The following TNFRSF19 variants were observed in gnomAD, a reference collection of about 807,000 sequenced individuals.
TNFRSF19 encodes tumor necrosis factor receptor superfamily member 19.
Under a neutral mutation model 46.4 loss-of-function variants are expected in TNFRSF19, and 27 were observed. The ratio of observed to expected loss-of-function variants is 0.58; its 90% CI spans 0.43 to 0.80. The LOEUF (loss-of-function observed/expected upper bound fraction) is 0.80, where lower values mean the gene tolerates loss of function less well. Ranked by LOEUF, TNFRSF19 falls within the 30% of genes least tolerant of loss-of-function variation. The pLI is 0.00. For missense variants in TNFRSF19, 511 were observed against 530.8 expected, an observed-to-expected ratio of 0.96 and a Z score of 0.37; for synonymous variants, 204 against 205.0, an observed-to-expected ratio of 1.00 and a Z score of 0.04.
chr13:23,591,521 T>C (rs1172872254), intron 2 of TNFRSF19, among the ~76,000 whole-genome samples: 1 of 151,870 alleles, frequency 6.6e-6, no homozygotes, highest in Non-Finnish European at 1.5e-5. Flanking sequence ...CAGGTGAATG[T>C]AGGAGAGCTT....
intron 1 of TNFRSF19, among the ~76,000 whole-genome samples, chr13:23,578,986 C>T (rs1248512795): frequency 6.6e-6 from 1 of 152,262 alleles, no homozygotes; most frequent in African/African-American, 2.4e-5. Flanking sequence ...GCAGCGCAGA[C>T]CTGGCCGCCG....
chr13:23,631,987 T>C (rs1172973282), intron 5 of TNFRSF19, among the ~76,000 whole-genome samples: 1 of 152,218 alleles, frequency 6.6e-6, no homozygotes, highest in African/African-American at 2.4e-5. Flanking sequence ...TTGCTGGGAA[T>C]GTCATGTGAT....
At chr13:23,598,395 A>G (rs932079282) in intron 3 of TNFRSF19, among the ~76,000 whole-genome samples, 1 of 152,168 alleles carries the variant, frequency 6.6e-6, no homozygotes, top group Admixed American at 6.5e-5. Flanking sequence ...ATATATATAA[A>G]CCCTAAATCA....
intron 3 of TNFRSF19, among the ~76,000 whole-genome samples, chr13:23,610,581 C>T (rs1279978367): frequency 6.6e-6 from 1 of 150,764 alleles, no homozygotes; most frequent in Non-Finnish European, 1.5e-5. Context: ...GGAGCCCTTG[C>T]TGGGGCCGTT....
chr13:23,602,517 C>A (rs1218832091), intron 3 of TNFRSF19, among the ~76,000 whole-genome samples: 1 of 152,064 alleles, frequency 6.6e-6, no homozygotes, highest in Non-Finnish European at 1.5e-5. Context: ...CTGGATATAA[C>A]TGACACCTAT....
intron 5 of TNFRSF19, among the ~76,000 whole-genome samples, chr13:23,634,738 T>C (rs543362206): frequency 2.6e-4 from 40 of 152,258 alleles, no homozygotes; most frequent in African/African-American, 9.4e-4. Flanking sequence ...CTCCTTTTTG[T>C]ATAGGGAGCA....
At chr13:23,593,815 T>C (rs1879495900) in intron 3 of TNFRSF19, among the ~76,000 whole-genome samples, 1 of 152,234 alleles carries the variant, frequency 6.6e-6, no homozygotes, top group African/African-American at 2.4e-5. Flanking sequence ...GCTAGCAAGA[T>C]GGCCGAATAG....
intron 9 of TNFRSF19, among the ~76,000 whole-genome samples, chr13:23,670,163 T>C (rs377243169): frequency 5.4e-4 from 82 of 152,352 alleles, no homozygotes; most frequent in Admixed American, 1.1e-3. Context: ...ATAAGTTACA[T>C]ACTGATCTAA....
chr13:23,601,834 C>G (rs149202975), intron 3 of TNFRSF19, among the ~76,000 whole-genome samples: 72 of 152,214 alleles, frequency 4.7e-4, no homozygotes, highest in African/African-American at 1.7e-3. Flanking sequence ...ATAGTGCAAC[C>G]TCTAGGGCAA....
rs527245726 is a variant in TNFRSF19 at position 23,660,206 on chromosome 13, C to T, written c.611-159C>T. On this transcript the variant is annotated intron_variant, in intron 6 of 9. Transcript: ENST00000248484. ...ATTAGTACCCTACATTTTGAACTTT[C>T]TTAACAAATTATTTCATGTTTGTGC... Among the ~76,000 whole-genome samples the T allele has an allele frequency of 4.6e-5, 7 of 152,308 alleles. No homozygotes were observed. In the South Asian group the frequency reaches 1.0e-3, roughly 23 times the overall value.
intron 9 of TNFRSF19, among the ~76,000 whole-genome samples, chr13:23,669,995 C>T (rs1378783027): frequency 6.6e-6 from 1 of 152,194 alleles, no homozygotes; most frequent in East Asian, 1.9e-4. Flanking sequence ...GCCTGTCCCT[C>T]CCTGCCCCAG....
intron 5 of TNFRSF19, among the ~76,000 whole-genome samples, chr13:23,643,166 A>G (rs1437949437): frequency 6.6e-6 from 1 of 152,236 alleles, no homozygotes. Flanking sequence ...GCCACTGGCT[A>G]TTACCTAAGA....
rs575708159 is a variant in TNFRSF19 at position 23,617,474 on chromosome 13, G to A, written c.359+1429G>A. ...TGGATGAAGAGCCAGGGTGACAAGG[G>A]GGGTGATCTGTAAGGCAGGGAGAAG... On this transcript the variant is annotated intron_variant, in intron 4 of 9. Coordinates refer to ENST00000248484, the MANE Select transcript of TNFRSF19 (RefSeq NM_148957.4). Among the ~76,000 whole-genome samples the A allele has an allele frequency of 1.6e-4, 25 of 152,258 alleles. No homozygotes were observed. The South Asian group carries it at 2.1e-3, about 13-fold the overall frequency.
chr13:23,591,241 T>C (rs1178773529), intron 2 of TNFRSF19, among the ~76,000 whole-genome samples: 1 of 152,088 alleles, frequency 6.6e-6, no homozygotes, highest in Non-Finnish European at 1.5e-5. Context: ...TCATTTGAGG[T>C]GAGGAGTTCA....
intron 9 of TNFRSF19, among the ~76,000 whole-genome samples, chr13:23,672,760 C>T (rs774878281): frequency 1.6e-4 from 25 of 152,150 alleles, no homozygotes; most frequent in Non-Finnish European, 3.4e-4. Context: ...CCGGCATTGA[C>T]GTCAGTGCCC....
At chr13:23,593,679 C>T (rs1217236695) in intron 3 of TNFRSF19, among the ~76,000 whole-genome samples, 2 of 152,162 alleles carry the variant, frequency 1.3e-5, no homozygotes, top group Non-Finnish European at 2.9e-5. Flanking sequence ...CAACAGATGT[C>T]ATTGTTTTAT....
intron 9 of TNFRSF19, among the ~76,000 whole-genome samples, chr13:23,670,175 T>G (rs1951735592): frequency 1.3e-5 from 2 of 152,234 alleles, no homozygotes; most frequent in African/African-American, 4.8e-5. Flanking sequence ...CTGATCTAAG[T>G]CTGCAGTACT....
intron 5 of TNFRSF19, among the ~76,000 whole-genome samples, chr13:23,635,401 CAG>C (rs1447320477): frequency 6.6e-6 from 1 of 152,072 alleles, no homozygotes; most frequent in Non-Finnish European, 1.5e-5. Context: ...TTTTTTGAGA[CAG>C]AGTCTCACTC....
chr13:23,640,285 A>G (rs1882955821), intron 5 of TNFRSF19, among the ~76,000 whole-genome samples: 1 of 152,230 alleles, frequency 6.6e-6, no homozygotes, highest in Admixed American at 6.5e-5. Context: ...TTAAAAATCA[A>G]TTTTAGTAAC....
Sources: allele counts gnomAD v4.1 joint callset (sites outside exome capture counted in the v4.1 genomes callset), GRCh38; gene constraint gnomAD v4.1.1; transcripts MANE v1.5; gene names NCBI Gene and HGNC (gene_info 2026-07-23, HGNC 2026-07-21).